NCK1: variants seen among roughly 807,000 people sequenced by gnomAD.
NCK1 encodes NCK adaptor protein 1, also known as SH2/SH3 adapter protein NCK1.
A neutral mutation model predicts 36.6 loss-of-function variants in NCK1; 19 were observed. The observed-to-expected ratio is 0.52, with a 90% CI of 0.36 to 0.76. The LOEUF is 0.76. NCK1 is among the 30% of genes least tolerant of loss of function. NCK1 has a pLI of 0.00. For synonymous variants in NCK1, 165 were observed against 156.0 expected (o/e 1.06, Z -0.43); for missense variants, 358 against 445.6 (o/e 0.80, Z 1.77).
At chr3:136,940,631 G>A (rs752564457) in intron 2 of NCK1, among the ~76,000 whole-genome samples, 20 of 152,086 alleles carry the variant, frequency 1.3e-4, no homozygotes, top group East Asian at 3.9e-4. Flanking sequence ...TGCAACCTCC[G>A]CCTCCCAGGT....
intron 1 of NCK1, among the ~76,000 whole-genome samples, chr3:136,872,291 C>G (rs1938646770): frequency 6.6e-6 from 1 of 152,156 alleles, no homozygotes; most frequent in Non-Finnish European, 1.5e-5. Flanking sequence ...AAAGGTGACT[C>G]TTGTTATGTT....
At chr3:136,922,063 G>A (rs1260801377) in intron 1 of NCK1, among the ~76,000 whole-genome samples, 6 of 152,178 alleles carry the variant, frequency 3.9e-5, no homozygotes, top group Non-Finnish European at 7.3e-5. Context: ...GATTACAGGC[G>A]TGAGCCACCG....
chr3:136,910,924 C>T (rs1939815304), intron 1 of NCK1, among the ~76,000 whole-genome samples: 1 of 152,200 alleles, frequency 6.6e-6, no homozygotes. Flanking sequence ...ACCTTCCCAT[C>T]CTGGCTTCTC....
chr3:136,907,131 G>T (rs1939707227), intron 1 of NCK1, among the ~76,000 whole-genome samples: 1 of 152,164 alleles, frequency 6.6e-6, no homozygotes, highest in African/African-American at 2.4e-5. Flanking sequence ...TACTTTGCTT[G>T]TGCCTTGCTC....
chr3:136,883,350 T>C (rs1457487622), intron 1 of NCK1, among the ~76,000 whole-genome samples: 2 of 152,156 alleles, frequency 1.3e-5, no homozygotes, highest in African/African-American at 2.4e-5. Context: ...GACTTTTTTT[T>C]CCCCTCCTGG....
chr3:136,946,066 G>C lies in NCK1; in HGVS notation c.710G>C (p.Gly237Ala). The C allele has an allele frequency of 1.2e-6, 2 of 1,613,878 alleles. No individual in the cohort carries two copies. Among genetic ancestry groups the C allele is most frequent in the Non-Finnish European group, 1.7e-6 (2 of 1,179,940 alleles). Reference sequence around the variant, plus strand: ...TGGTGGAAATGCAGGAAGATCAATGGTATGGTTGGTCTAGTACCAAAAAAC... The same window carrying C: ...TGGTGGAAATGCAGGAAGATCAATGCTATGGTTGGTCTAGTACCAAAAAAC... ...PEWWKCRKIN[G>A]MVGLVPKNYV... Residue 237 changes from glycine to alanine, a missense_variant, in exon 3 of 4, where the codon GGT becomes GCT. Physicochemically the swap from Gly to Ala is moderately conservative, Grantham distance 60. Around this residue, in one of 3 missense-constraint regions of NCK1, gnomAD observed 207 missense variants for 253.4 expected, o/e 0.82. Coordinates refer to ENST00000481752, the MANE Select transcript of NCK1 (RefSeq NM_001291999.2).
intron 1 of NCK1, among the ~76,000 whole-genome samples, chr3:136,905,313 A>G (rs911491280): frequency 1.3e-5 from 2 of 152,022 alleles, no homozygotes; most frequent in African/African-American, 2.4e-5. Flanking sequence ...GGCATCAGCC[A>G]TTGTGCCCAA....
At chr3:136,895,354 ATG>A (rs751866793) in intron 1 of NCK1, among the ~76,000 whole-genome samples, 1 of 151,812 alleles carries the variant, frequency 6.6e-6, no homozygotes, top group Non-Finnish European at 1.5e-5. Flanking sequence ...GTACCTTTTA[ATG>A]TTGCAATAAA....
At chr3:136,891,713 C>T (rs2108089478) in intron 1 of NCK1, among the ~76,000 whole-genome samples, 1 of 152,252 alleles carries the variant, frequency 6.6e-6, no homozygotes, top group Middle Eastern at 3.4e-3. Flanking sequence ...TTTCTGTCAT[C>T]ATCATTTTTT....
chr3:136,864,442 G>A (rs1429362258), intron 1 of NCK1, among the ~76,000 whole-genome samples: 2 of 151,668 alleles, frequency 1.3e-5, no homozygotes, highest in Non-Finnish European at 2.9e-5. Flanking sequence ...AGTGAGCCAA[G>A]ATCGCCACTG....
At chr3:136,882,749 T>C (rs1938977878) in intron 1 of NCK1, among the ~76,000 whole-genome samples, 1 of 152,204 alleles carries the variant, frequency 6.6e-6, no homozygotes, top group Non-Finnish European at 1.5e-5. Flanking sequence ...ATATCACTTT[T>C]ACCCATTCAG....
intron 1 of NCK1, among the ~76,000 whole-genome samples, chr3:136,870,915 C>A (rs1938596657): frequency 6.6e-6 from 1 of 152,112 alleles, no homozygotes; most frequent in African/African-American, 2.4e-5. Context: ...ATATTAATTT[C>A]TCTCACACCA....
chr3:136,904,765 T>C (rs1939638366), intron 1 of NCK1, among the ~76,000 whole-genome samples: 1 of 151,952 alleles, frequency 6.6e-6, no homozygotes, highest in Non-Finnish European at 1.5e-5. Context: ...TTTTCTCTTC[T>C]CCTGAGACAC....
chr3:136,875,199 A>G (rs1437342096), intron 1 of NCK1, among the ~76,000 whole-genome samples: 2 of 152,146 alleles, frequency 1.3e-5, no homozygotes, highest in African/African-American at 4.8e-5. Context: ...GGTGTATAAG[A>G]ATGCTTGTGA....
rs529942692 is a variant in NCK1 at position 136,887,992 on chromosome 3, T to C, written c.-19+25639T>C. ...GGAGTCTTGCTCTTGTCGCCCAGGCTGGAGTGCAATGGCATGATCTCTGCT... is the reference window on the plus strand; with the variant it reads ...GGAGTCTTGCTCTTGTCGCCCAGGCCGGAGTGCAATGGCATGATCTCTGCT... On this transcript the variant is annotated intron_variant, in intron 1 of 3. Transcript: ENST00000481752. Among the ~76,000 whole-genome samples the C allele has an allele frequency of 2.4e-3, 368 of 151,818 alleles. 1 individual carries two copies. Among genetic ancestry groups the C allele is most frequent in the African/African-American group, 7.7e-3 (317 of 41,426 alleles).
chr3:136,890,573 T>C (rs1293529387), intron 1 of NCK1, among the ~76,000 whole-genome samples: 1 of 152,228 alleles, frequency 6.6e-6, no homozygotes, highest in East Asian at 1.9e-4. Flanking sequence ...CAGTACTTCA[T>C]TCCTTTTTAT....
intron 1 of NCK1, among the ~76,000 whole-genome samples, chr3:136,887,595 A>G (rs1446961513): frequency 6.6e-6 from 1 of 152,238 alleles, no homozygotes; most frequent in Non-Finnish European, 1.5e-5. Context: ...GTGACTTTTA[A>G]GTTATTTGTC....
At chr3:136,884,199 GA>G (rs1939016055) in intron 1 of NCK1, among the ~76,000 whole-genome samples, 1 of 152,158 alleles carries the variant, frequency 6.6e-6, no homozygotes, top group African/African-American at 2.4e-5. Context: ...ATGGAAACCA[GA>G]AGCAGGTGGC....
intron 1 of NCK1, among the ~76,000 whole-genome samples, chr3:136,920,990 T>C (rs1265334929): frequency 6.6e-6 from 1 of 152,200 alleles, no homozygotes. Context: ...TAACCCCCAG[T>C]AGTTCATAAT....
Sources: allele counts gnomAD v4.1 joint callset (sites outside exome capture counted in the v4.1 genomes callset), GRCh38; gene constraint gnomAD v4.1.1; regional missense constraint gnomAD v4.1.1; transcripts MANE v1.5; gene names NCBI Gene and HGNC (gene_info 2026-07-23, HGNC 2026-07-21).